COL28A1: variants seen among roughly 807,000 people sequenced by gnomAD.
COL28A1 encodes the protein collagen type XXVIII alpha 1 chain.
A neutral mutation model predicts 150.2 loss-of-function variants in COL28A1; 161 were observed. The ratio of observed to expected loss-of-function variants is 1.07; its 90% CI spans 0.94 to 1.22. The LOEUF is 1.22. Ranked by LOEUF, COL28A1 falls within the 50% of genes most tolerant of loss-of-function variation. The probability of loss-of-function intolerance (pLI) is 0.00; values close to 1 mark genes in which losing one functional copy is unlikely to be tolerated. For synonymous variants in COL28A1, 552 were observed against 469.7 expected, an observed-to-expected ratio of 1.18 and a Z score of -2.26; for missense variants, 1,617 against 1,388.3, an observed-to-expected ratio of 1.16 and a Z score of -2.62.
At chr7:7,348,052 C>T in the COL28A1 span, among the ~76,000 whole-genome samples, 3 of 151,912 alleles carry the variant, frequency 2.0e-5, no homozygotes, top group African/African-American at 7.3e-5. Context: ...CAGAAGTCAA[C>T]ATATAGAGGA....
At chr7:7,405,909 G>A (rs1465435563) in intron 27 of COL28A1, among the ~76,000 whole-genome samples, 2 of 152,094 alleles carry the variant, frequency 1.3e-5, no homozygotes, top group East Asian at 3.9e-4. Context: ...GATCAATCAA[G>A]AATTTACTAA....
At chr7:7,460,732 G>A (rs1379348169) in intron 15 of COL28A1, among the ~76,000 whole-genome samples, 3 of 152,286 alleles carry the variant, frequency 2.0e-5, no homozygotes, top group East Asian at 1.9e-4. Context: ...AATGTCTTTC[G>A]ATAATGTCTG....
chr7:7,437,602 A>G (rs1785438360), intron 21 of COL28A1, 140 bp from the exon 22 acceptor site: 25 of 1,311,128 alleles, frequency 1.9e-5, no homozygotes, highest in Non-Finnish European at 2.3e-5. Flanking sequence ...ATGTGAAAAT[A>G]ATTTGAGCAT....
At chr7:7,366,539 A>G (rs1490107994) in intron 33 of COL28A1, among the ~76,000 whole-genome samples, 1 of 152,228 alleles carries the variant, frequency 6.6e-6, no homozygotes, top group African/African-American at 2.4e-5. Context: ...GAAGCAATAA[A>G]TAATACTTGT....
chr7:7,388,153 C>G (rs748222261), intron 27 of COL28A1, among the ~76,000 whole-genome samples: 1 of 151,892 alleles, frequency 6.6e-6, no homozygotes, highest in Non-Finnish European at 1.5e-5. Flanking sequence ...CTAATGCTAT[C>G]CCTCCCCTAG....
chr7:7,426,981 C>G (rs1214405696), intron 25 of COL28A1, among the ~76,000 whole-genome samples: 1 of 152,092 alleles, frequency 6.6e-6, no homozygotes, highest in African/African-American at 2.4e-5. Flanking sequence ...TCTGCATGAT[C>G]AAAAATAACA....
At chr7:7,348,068 T>C in the COL28A1 span, among the ~76,000 whole-genome samples, 2 of 151,724 alleles carry the variant, frequency 1.3e-5, no homozygotes, top group Non-Finnish European at 2.9e-5. Flanking sequence ...GAGGAGGAAA[T>C]AGATTTGAGA....
intron 19 of COL28A1, 39 bp from the exon 20 acceptor site, chr7:7,443,692 G>A: frequency 6.2e-7 from 1 of 1,612,802 alleles, no homozygotes; most frequent in South Asian, 1.1e-5. Flanking sequence ...TGACCCTCCA[G>A]TAGACAGACT....
At chr7:7,405,466 G>C (rs756457858) in intron 27 of COL28A1, among the ~76,000 whole-genome samples, 3 of 152,038 alleles carry the variant, frequency 2.0e-5, no homozygotes, top group Non-Finnish European at 4.4e-5. Flanking sequence ...AGCCAGTTGG[G>C]GAACTTTTGG....
chr7:7,493,120 G>C (rs994527943), intron 11 of COL28A1, among the ~76,000 whole-genome samples: 10 of 148,564 alleles, frequency 6.7e-5, no homozygotes, highest in African/African-American at 2.5e-4. Flanking sequence ...AATTTGTCTG[G>C]CTAAAAAAAA....
chr7:7,511,487 T>A (rs1781133158), intron 8 of COL28A1, among the ~76,000 whole-genome samples: 1 of 152,188 alleles, frequency 6.6e-6, no homozygotes, highest in African/African-American at 2.4e-5. Context: ...TCCAGGGAGA[T>A]CAGCTTTATC....
chr7:7,395,237 T>A (rs1467239550), intron 27 of COL28A1, among the ~76,000 whole-genome samples: 1 of 152,072 alleles, frequency 6.6e-6, no homozygotes, highest in Non-Finnish European at 1.5e-5. Context: ...AGTTCTGCAG[T>A]GAGCCAAGAT....
chr7:7,359,130 G>A (rs1780492125), intron 34 of COL28A1, among the ~76,000 whole-genome samples: 1 of 152,032 alleles, frequency 6.6e-6, no homozygotes, highest in Non-Finnish European at 1.5e-5. Flanking sequence ...AGAAAGACAG[G>A]ACTTCTTTCA....
At chr7:7,477,879 T>C (rs1789046994) in intron 13 of COL28A1, among the ~76,000 whole-genome samples, 1 of 152,210 alleles carries the variant, frequency 6.6e-6, no homozygotes, top group Admixed American at 6.5e-5. Flanking sequence ...GAGAGCCGAT[T>C]GGTCTGTTTT....
chr7:7,379,420 A>G lies in COL28A1; in HGVS notation c.2322+1240T>C. ...AGCTTCCACTCAAGAGATAAAGCCT[A>G]TCCTGCCCTCAAACACCATCATACA... is the stretch of plus-strand genomic sequence containing the variant. On this transcript the variant is annotated intron_variant, in intron 30 of 34. Coordinates refer to ENST00000399429, the MANE Select transcript of COL28A1 (RefSeq NM_001037763.3). 1.3e-5 allele frequency among the ~76,000 whole-genome samples: 2 copies of G among 152,086 alleles called. 1 individual carries two copies. Among genetic ancestry groups the G allele is most frequent in the South Asian group, 4.1e-4 (2 of 4,822 alleles).
intron 1 of COL28A1, among the ~76,000 whole-genome samples, chr7:7,535,242 T>C (rs570729721): frequency 1.3e-5 from 2 of 152,272 alleles, no homozygotes; most frequent in Non-Finnish European, 2.9e-5. Context: ...TAAAATTTAT[T>C]TGGGGTAAAT....
At chr7:7,380,977 G>C (rs1168546828) in intron 28 of COL28A1, 115 bp from the exon 29 acceptor site, 1 of 874,322 alleles carries the variant, frequency 1.1e-6, no homozygotes, top group African/African-American at 1.7e-5. Context: ...TTCAGTTCTT[G>C]TTTATACAAA....
intron 27 of COL28A1, among the ~76,000 whole-genome samples, chr7:7,399,912 A>G (rs116658615): frequency 0.025 from 3,757 of 152,344 alleles, 137 homozygotes; most frequent in African/African-American, 0.085. Flanking sequence ...CCAGTATGCA[A>G]TGCCAGCCAG....
At chr7:7,380,205 T>C (rs1380837697) in intron 30 of COL28A1, among the ~76,000 whole-genome samples, 1 of 152,204 alleles carries the variant, frequency 6.6e-6, no homozygotes, top group Non-Finnish European at 1.5e-5. Context: ...CAGAAAATAC[T>C]TATTGAATAA....
Sources: allele counts gnomAD v4.1 joint callset (sites outside exome capture counted in the v4.1 genomes callset), GRCh38; gene constraint gnomAD v4.1.1; transcripts MANE v1.5; gene names NCBI Gene and HGNC (gene_info 2026-07-23, HGNC 2026-07-21).